The following WDR49 variants were observed in gnomAD, a reference collection of about 807,000 sequenced individuals.
WDR49 encodes the protein WD repeat domain 49.
A neutral mutation model predicts 119.5 loss-of-function variants in WDR49; 107 were observed. That is an observed-to-expected ratio of 0.90 (90% CI 0.77 to 1.05). The LOEUF is 1.05. Ranked by LOEUF, WDR49 falls within the 50% of genes least tolerant of loss-of-function variation. WDR49 has a pLI of 0.00. For synonymous variants in WDR49, 425 were observed against 418.8 expected, an observed-to-expected ratio of 1.01 and a Z score of -0.18; for missense variants, 1,240 against 1,220.5, an observed-to-expected ratio of 1.02 and a Z score of -0.24.
intron 15 of WDR49, among the ~76,000 whole-genome samples, chr3:167,526,618 T>C (rs1010870856): frequency 6.6e-6 from 1 of 152,142 alleles, no homozygotes; most frequent in Non-Finnish European, 1.5e-5. Context: ...GCTTGTCTTA[T>C]TTACAAAATA....
chr3:167,560,421 G>A (rs911587601), intron 8 of WDR49, among the ~76,000 whole-genome samples, 193 bp from the exon 9 acceptor site: 6 of 152,114 alleles, frequency 3.9e-5, no homozygotes, highest in Non-Finnish European at 8.8e-5. Flanking sequence ...TAATGAAGTC[G>A]TGATCCTCTT....
At chr3:167,514,570 C>T (rs1308750818) in intron 16 of WDR49, among the ~76,000 whole-genome samples, 1 of 151,088 alleles carries the variant, frequency 6.6e-6, no homozygotes, top group Non-Finnish European at 1.5e-5. Flanking sequence ...CAAACAGACC[C>T]CTAAGCTAGC....
At chr3:167,631,819 G>T (rs1306947932) in intron 2 of WDR49, among the ~76,000 whole-genome samples, 1 of 152,092 alleles carries the variant, frequency 6.6e-6, no homozygotes, top group African/African-American at 2.4e-5. Flanking sequence ...AGTATCAGTT[G>T]CAAGAAAACT....
At chr3:167,486,738 T>C (rs1750935974) in intron 18 of WDR49, among the ~76,000 whole-genome samples, 1 of 151,948 alleles carries the variant, frequency 6.6e-6, no homozygotes, top group South Asian at 2.1e-4. Context: ...TAAAACAAGT[T>C]CTTGGCCTAT....
At position 167,489,284 on chromosome 3, in the gene WDR49, T is replaced by C. The variant is rs934164773; in HGVS notation, c.3032-10288A>G. ...ACATGAATGAAGGAACTTTCAGGCATGCAAAGGGGTTGGCTCACTCCTCAC... is the reference window on the plus strand; with the variant it reads ...ACATGAATGAAGGAACTTTCAGGCACGCAAAGGGGTTGGCTCACTCCTCAC... On this transcript the variant is annotated intron_variant, in intron 18 of 18. Transcript: ENST00000682715. 1.1e-3 allele frequency among the ~76,000 whole-genome samples: 173 copies of C among 152,188 alleles called. 1 individual carries two copies. The highest frequency in any genetic ancestry group is 8.8e-5 in the Non-Finnish European group (6 of 67,978).
rs539869541 is a variant in WDR49 at position 167,645,599 on chromosome 3, T to C, written c.165+7662A>G. 2.0e-5 allele frequency among the ~76,000 whole-genome samples: 3 copies of C among 152,130 alleles called. No homozygotes were observed. In the South Asian group the frequency reaches 6.2e-4, roughly 32 times the overall value. On this transcript the variant is annotated intron_variant, in intron 2 of 18. Transcript: ENST00000682715. ...TGGCTGGCTATACCCTCCTTTTTTG[T>C]TTGTTTGCTTCTTCTCCTTCTACTT...
intron 7 of WDR49, among the ~76,000 whole-genome samples, chr3:167,595,314 A>G (rs1419455765): frequency 6.6e-6 from 1 of 152,212 alleles, no homozygotes; most frequent in Non-Finnish European, 1.5e-5. Context: ...TACAGATTCA[A>G]TGCCATCCCC....
chr3:167,617,629 C>T (rs751182275), intron 5 of WDR49, among the ~76,000 whole-genome samples: 8 of 152,052 alleles, frequency 5.3e-5, no homozygotes, highest in African/African-American at 9.7e-5. Context: ...AATCCTCCTC[C>T]GGAGGAGAAG....
intron 8 of WDR49, among the ~76,000 whole-genome samples, chr3:167,568,572 A>T (rs570440140): frequency 2.4e-4 from 36 of 152,256 alleles, no homozygotes; most frequent in African/African-American, 7.5e-4. Context: ...GGATTCATTT[A>T]TATTGAAATG....
At chr3:167,617,504 C>T (rs1203695357) in intron 5 of WDR49, among the ~76,000 whole-genome samples, 14 of 152,052 alleles carry the variant, frequency 9.2e-5, no homozygotes, top group Admixed American at 2.6e-4. Context: ...CCAGCCTGGG[C>T]GACAGTCTGA....
intron 2 of WDR49, among the ~76,000 whole-genome samples, chr3:167,629,562 C>T (rs77341297): frequency 0.076 from 11,617 of 152,028 alleles, 586 homozygotes; most frequent in Middle Eastern, 0.2. Context: ...TAAAAAATAT[C>T]TTTTATATGG....
At chr3:167,522,578 G>T in intron 15 of WDR49, 94 bp from the exon 16 acceptor site, 1 of 1,295,178 alleles carries the variant, frequency 7.7e-7, no homozygotes, top group Non-Finnish European at 1.0e-6. Context: ...ACTAATTAAA[G>T]TCCTGGGGTG....
intron 5 of WDR49, among the ~76,000 whole-genome samples, chr3:167,611,334 T>C (rs1484246576): frequency 6.6e-6 from 1 of 151,852 alleles, no homozygotes; most frequent in Admixed American, 6.6e-5. Context: ...AAAAAACATA[T>C]GAATATACAA....
chr3:167,605,473 G>A (rs1217922927), intron 5 of WDR49, among the ~76,000 whole-genome samples: 1 of 151,964 alleles, frequency 6.6e-6, no homozygotes. Flanking sequence ...TCTGTGCTAT[G>A]ATAAAGATAA....
At chr3:167,481,255 A>G (rs1003131310) in intron 18 of WDR49, among the ~76,000 whole-genome samples, 1 of 152,216 alleles carries the variant, frequency 6.6e-6, no homozygotes, top group Non-Finnish European at 1.5e-5. Flanking sequence ...ATTGTTACCA[A>G]GCATTTTGAC....
chr3:167,501,899 C>CT (rs1049310505), intron 17 of WDR49, among the ~76,000 whole-genome samples: 4 of 152,066 alleles, frequency 2.6e-5, no homozygotes, highest in African/African-American at 9.7e-5. Context: ...GGTGCCATCT[C>CT]TTTTTTTAGA....
chr3:167,622,494 A>T (rs1716920061), intron 3 of WDR49, among the ~76,000 whole-genome samples: 1 of 152,224 alleles, frequency 6.6e-6, no homozygotes, highest in South Asian at 2.1e-4. Context: ...TTAATTGGTT[A>T]GTCCATTGAT....
intron 7 of WDR49, among the ~76,000 whole-genome samples, chr3:167,583,452 T>C (rs566056326): frequency 6.6e-6 from 1 of 152,026 alleles, no homozygotes. Context: ...CTCAGCACTT[T>C]GGGAGGCCGA....
chr3:167,633,533 C>T (rs147259950), intron 2 of WDR49: 5 of 446,644 alleles, frequency 1.1e-5, no homozygotes, highest in African/African-American at 6.0e-5. Context: ...TATCCCCATC[C>T]TGGACTTGGC....
Sources: gnomAD v4.1 joint callset for allele counts (sites outside exome capture counted in the v4.1 genomes callset) on GRCh38, gnomAD v4.1.1 for gene constraint, MANE v1.5 for transcripts, NCBI Gene and HGNC (gene_info 2026-07-23, HGNC 2026-07-21) for gene names.